The following TAFA2 variants were observed in gnomAD, a reference collection of about 807,000 sequenced individuals.
The protein encoded by TAFA2 is chemokine-like protein TAFA-2.
A neutral mutation model predicts 18.8 loss-of-function variants in TAFA2; 7 were observed. That is an observed-to-expected ratio of 0.37 (90% CI 0.21 to 0.70). The LOEUF is 0.70. Among genes scored for constraint, TAFA2 ranks in the 30% least tolerant of loss-of-function variants. TAFA2 has a pLI of 0.53. For missense variants in TAFA2, 122 were observed against 158.1 expected, an observed-to-expected ratio of 0.77 and a Z score of 1.23; for synonymous variants, 60 against 54.2, an observed-to-expected ratio of 1.11 and a Z score of -0.47.
At chr12:61,913,345 T>A (rs2121347708) in intron 1 of TAFA2, among the ~76,000 whole-genome samples, 1 of 152,332 alleles carries the variant, frequency 6.6e-6, no homozygotes, top group East Asian at 1.9e-4. Flanking sequence ...ATGTATAACA[T>A]AAAGCCTCTA....
At chr12:61,812,785 G>C (rs1050190110) in intron 2 of TAFA2, among the ~76,000 whole-genome samples, 4 of 151,006 alleles carry the variant, frequency 2.6e-5, no homozygotes, top group Non-Finnish European at 4.4e-5. Flanking sequence ...GGTCAGGCTG[G>C]TCTTGAACTG....
intron 2 of TAFA2, among the ~76,000 whole-genome samples, chr12:61,782,403 C>A (rs558000549): frequency 8.6e-5 from 13 of 151,892 alleles, no homozygotes; most frequent in African/African-American, 3.1e-4. Context: ...GATAATAATT[C>A]TTTCAACCAA....
At chr12:62,060,249 A>T (rs1882308644) in intron 1 of TAFA2, among the ~76,000 whole-genome samples, 1 of 152,222 alleles carries the variant, frequency 6.6e-6, no homozygotes, top group South Asian at 2.1e-4. Flanking sequence ...AATGTTGCAA[A>T]TAATAAATAC....
At chr12:61,946,127 G>T (rs1878259872) in intron 1 of TAFA2, among the ~76,000 whole-genome samples, 2 of 149,130 alleles carry the variant, frequency 1.3e-5, no homozygotes, top group Non-Finnish European at 3.0e-5. Context: ...CAATGGAACA[G>T]AACAGAGCCC....
At chr12:62,015,436 T>G (rs571698220) in intron 1 of TAFA2, among the ~76,000 whole-genome samples, 17 of 152,208 alleles carry the variant, frequency 1.1e-4, no homozygotes, top group Non-Finnish European at 1.2e-4. Flanking sequence ...AGAATAAGAG[T>G]TCCTCAATTA....
chr12:62,258,366 T>C (rs947183779), intron 1 of TAFA2: 4 of 152,164 alleles, frequency 2.6e-5, no homozygotes, highest in African/African-American at 7.2e-5. Context: ...GTGAAGAAAA[T>C]ATTATTTTAC....
At chr12:62,242,158 T>C (rs1592416461) in intron 1 of TAFA2, among the ~76,000 whole-genome samples, 1 of 152,320 alleles carries the variant, frequency 6.6e-6, no homozygotes, top group East Asian at 1.9e-4. Flanking sequence ...TGTCCAGTGT[T>C]GATGTTTCCA....
intron 4 of TAFA2, among the ~76,000 whole-genome samples, chr12:61,746,473 G>A (rs7132727): frequency 0.37 from 56,763 of 151,800 alleles, 10,826 homozygotes; most frequent in African/African-American, 0.46. Flanking sequence ...TCTAACAATA[G>A]CCTGAATGAG....
At chr12:62,156,033 A>C in intron 1 of TAFA2, among the ~76,000 whole-genome samples, 1 of 152,202 alleles carries the variant, frequency 6.6e-6, no homozygotes, top group Non-Finnish European at 1.5e-5. Context: ...GAAAATCTTC[A>C]CAATCTATAC....
At chr12:61,893,855 A>T (rs1489804664) in intron 1 of TAFA2, among the ~76,000 whole-genome samples, 1 of 152,204 alleles carries the variant, frequency 6.6e-6, no homozygotes, top group East Asian at 1.9e-4. Flanking sequence ...TTAGGAAAAA[A>T]ATTATTCATG....
At chr12:61,799,493 T>A (rs1285105297) in intron 2 of TAFA2, among the ~76,000 whole-genome samples, 2 of 152,074 alleles carry the variant, frequency 1.3e-5, no homozygotes, top group African/African-American at 2.4e-5. Flanking sequence ...CATAACCCTA[T>A]AAGCAATCAG....
In TAFA2 at chr12:62,088,475, G is replaced by A. The variant is rs894788299; in HGVS notation, c.-2+102784C>T. Among the ~76,000 whole-genome samples the A allele has an allele frequency of 3.9e-5, 6 of 151,930 alleles. 1 individual carries two copies. The highest frequency in any genetic ancestry group is 8.8e-5 in the Non-Finnish European group (6 of 67,964). On this transcript the variant is annotated intron_variant, in intron 1 of 4. Transcript: ENST00000416284. ...CTGCTCAGACAGAGACAAAGAACAT[G>A]GAACCGGGTCTTTGGTCTGCTAACA...
chr12:62,226,737 C>T (rs893481335), intron 1 of TAFA2, among the ~76,000 whole-genome samples: 12 of 152,134 alleles, frequency 7.9e-5, no homozygotes, highest in African/African-American at 2.7e-4. Flanking sequence ...ACCAAGTTAC[C>T]CAAGGCAAAA....
Position 61,902,091 on chromosome 12 carries a change from T to TAAA in TAFA2, c.-1-34668_-1-34666dup, listed in dbSNP as rs750989820. ...TGATGTAATCATGGTGCAGGAATGT[T>TAAA]AAAAAAAAAAAAAAAAAAAAAACCT... is the stretch of plus-strand genomic sequence containing the variant. On this transcript the variant is annotated intron_variant, in intron 1 of 4. Coordinates refer to ENST00000416284, the MANE Select transcript of TAFA2 (RefSeq NM_178539.5). Among the ~76,000 whole-genome samples the TAAA allele has an allele frequency of 5.4e-3, 634 of 116,404 alleles. 11 individuals carry two copies. The highest frequency in any genetic ancestry group is 0.028 in the Admixed American group (315 of 11,066). 76.4% of individuals were successfully genotyped at this position (116,404 alleles called of 152,430 possible).
At chr12:62,087,008 T>A (rs1400942499) in intron 1 of TAFA2, among the ~76,000 whole-genome samples, 1 of 152,144 alleles carries the variant, frequency 6.6e-6, no homozygotes, top group African/African-American at 2.4e-5. Context: ...CCTTGAGGAT[T>A]TTAGGCTAAG....
chr12:61,965,444 A>C (rs1879035674), intron 1 of TAFA2, among the ~76,000 whole-genome samples: 1 of 151,946 alleles, frequency 6.6e-6, no homozygotes, highest in Admixed American at 6.6e-5. Context: ...CTAAGAGATT[A>C]GCAGAGCACG....
intron 1 of TAFA2, among the ~76,000 whole-genome samples, chr12:61,871,416 T>C (rs966463186): frequency 2.0e-5 from 3 of 152,216 alleles, no homozygotes; most frequent in Admixed American, 2.0e-4. Flanking sequence ...AAATACTGAA[T>C]GTGGTCCTGG....
At chr12:62,028,389 C>T (rs11837618) in intron 1 of TAFA2, among the ~76,000 whole-genome samples, 15,203 of 152,158 alleles carry the variant, frequency 0.1, 977 homozygotes, top group Non-Finnish European at 0.14. Context: ...ATCCTTTGCA[C>T]TTCTCTCTGT....
In TAFA2 at chr12:61,710,110, C is replaced by T. The variant is rs1869323528; in HGVS notation, c.*296G>A. ...CTCAAAAGGTGACTGTCTCTAACAT[C>T]ACCCTGAAAAAAACAACTCTTCACC... On this transcript the variant is annotated 3_prime_UTR_variant, in exon 5 of 5. Coordinates refer to ENST00000416284, the MANE Select transcript of TAFA2 (RefSeq NM_178539.5). The T allele has an allele frequency of 2.5e-6, 1 of 399,870 alleles. No individual in the cohort carries two copies. Among genetic ancestry groups the T allele is most frequent in the African/African-American group, 2.1e-5 (1 of 48,140 alleles). The allele number at this position is 399,870 out of a possible 1,614,324, so 24.8% of individuals were successfully genotyped here.
Sources: gnomAD v4.1 joint callset for allele counts (sites outside exome capture counted in the v4.1 genomes callset) on GRCh38, gnomAD v4.1.1 for gene constraint, MANE v1.5 for transcripts, NCBI Gene and HGNC (gene_info 2026-07-23, HGNC 2026-07-21) for gene names.